RBM47: variants seen among roughly 807,000 people sequenced by gnomAD.
The protein encoded by RBM47 is RNA-binding protein 47.
RBM47 carries 21 observed loss-of-function variants against 47.1 expected under a neutral mutation model. The ratio of observed to expected loss-of-function variants is 0.45; its 90% CI spans 0.32 to 0.64. The LOEUF (loss-of-function observed/expected upper bound fraction) is 0.64, where lower values mean the gene tolerates loss of function less well. Ranked by LOEUF, RBM47 falls within the 30% of genes least tolerant of loss-of-function variation. The pLI is 0.05. For missense variants in RBM47, 708 were observed against 870.9 expected, an observed-to-expected ratio of 0.81 and a Z score of 2.35; for synonymous variants, 375 against 361.7, an observed-to-expected ratio of 1.04 and a Z score of -0.42.
chr4:40,481,777 C>T (rs187015540), intron 2 of RBM47, among the ~76,000 whole-genome samples: 87 of 152,326 alleles, frequency 5.7e-4, no homozygotes, highest in African/African-American at 1.9e-3. Context: ...GTCTTAAACT[C>T]CTGACCTCAA....
intron 3 of RBM47, among the ~76,000 whole-genome samples, chr4:40,459,701 G>A (rs1050130319): frequency 1.3e-5 from 2 of 152,208 alleles, no homozygotes; most frequent in Non-Finnish European, 2.9e-5. Context: ...ATCAGAGAAT[G>A]AATAGGCCAG....
intron 2 of RBM47, among the ~76,000 whole-genome samples, chr4:40,483,914 A>T (rs907582715): frequency 4.6e-5 from 7 of 152,212 alleles, no homozygotes; most frequent in Non-Finnish European, 1.0e-4. Flanking sequence ...GTTATTATAA[A>T]TCTATCCTTA....
chr4:40,436,491 G>C lies in RBM47; in HGVS notation c.1280C>G (p.Pro427Arg), dbSNP rs763065592. Residue 427 changes from proline (P) to arginine (R), a missense_variant, in exon 5 of 7, where the codon CCG becomes CGG. Pro to Arg is a moderately radical substitution (Grantham distance 103). Coordinates refer to ENST00000295971, the MANE Select transcript of RBM47 (RefSeq NM_001098634.2). ...KQQEKGYELV[P>R]NLEIPTVNPV... ...GTTGACGGTAGGGATTTCCAAATTCGGCACCAGTTCATATCCTTTTTCTTG... is the reference window on the plus strand; with the variant it reads ...GTTGACGGTAGGGATTTCCAAATTCCGCACCAGTTCATATCCTTTTTCTTG... The C allele has an allele frequency of 1.9e-6, 3 of 1,614,104 alleles. No homozygotes were observed. Among genetic ancestry groups the C allele is most frequent in the Non-Finnish European group, 2.5e-6 (3 of 1,180,022 alleles).
At chr4:40,447,744 CT>C (rs749577986) in intron 3 of RBM47, among the ~76,000 whole-genome samples, 2 of 152,208 alleles carry the variant, frequency 1.3e-5, no homozygotes, top group Non-Finnish European at 2.9e-5. Flanking sequence ...GGCGCAGTGG[CT>C]CACGCCTATA....
intron 1 of RBM47, among the ~76,000 whole-genome samples, chr4:40,611,413 C>T (rs1185600077): frequency 1.4e-4 from 21 of 152,096 alleles, no homozygotes; most frequent in Admixed American, 1.2e-3. Flanking sequence ...GTTGTTGCTA[C>T]TCAAAAGAAA....
chr4:40,461,586 T>C (rs192223202), intron 3 of RBM47, among the ~76,000 whole-genome samples: 86 of 152,220 alleles, frequency 5.6e-4, no homozygotes, highest in African/African-American at 1.9e-3. Flanking sequence ...AAAACAGGGA[T>C]GGGCTGGATT....
At chr4:40,625,636 T>A (rs189362688) in intron 1 of RBM47, among the ~76,000 whole-genome samples, 1 of 152,134 alleles carries the variant, frequency 6.6e-6, no homozygotes, top group Non-Finnish European at 1.5e-5. Context: ...TGACAATTCA[T>A]TGAAGCAAGG....
At chr4:40,616,962 G>A (rs1171721861) in intron 1 of RBM47, among the ~76,000 whole-genome samples, 3 of 137,794 alleles carry the variant, frequency 2.2e-5, no homozygotes, top group Non-Finnish European at 3.0e-5. Context: ...TGCAACCTCC[G>A]CCTCCCAGAT....
At chr4:40,599,042 G>T (rs1200718537) in intron 1 of RBM47, among the ~76,000 whole-genome samples, 1 of 151,862 alleles carries the variant, frequency 6.6e-6, no homozygotes, top group Non-Finnish European at 1.5e-5. Context: ...ATCACTTGAG[G>T]TCAGGAGTTC....
chr4:40,442,837 C>T (rs527286840), intron 3 of RBM47, among the ~76,000 whole-genome samples: 2 of 152,202 alleles, frequency 1.3e-5, no homozygotes, highest in Admixed American at 6.5e-5. Context: ...CCACGCCCAG[C>T]TAATTTTTGT....
rs1435312861 is a variant in RBM47 at position 40,423,639 on chromosome 4, ATTCT to A, written c.*2261_*2264del. The A allele has an allele frequency of 1.8e-4, 27 of 146,802 alleles. No homozygotes were observed. Among genetic ancestry groups the A allele is most frequent in the African/African-American group, 5.8e-4 (23 of 39,406 alleles). The allele number at this position is 146,802 out of a possible 1,614,324, so 9.1% of individuals were successfully genotyped here. On this transcript the variant is annotated 3_prime_UTR_variant, in exon 7 of 7. Transcript: ENST00000295971. ...GGTTGCCATGTTATCATTTTTTTTTATTCTTTCTTTCTTTTTCTTTCTTTCTTTC... is the reference window on the plus strand; with the variant it reads ...GGTTGCCATGTTATCATTTTTTTTTATTCTTTCTTTTTCTTTCTTTCTTTC...
At chr4:40,580,157 G>A (rs1224940535) in intron 1 of RBM47, among the ~76,000 whole-genome samples, 1 of 151,842 alleles carries the variant, frequency 6.6e-6, no homozygotes, top group Non-Finnish European at 1.5e-5. Flanking sequence ...GTTGAACTTG[G>A]TTTAGTTAGC....
chr4:40,447,007 A>G (rs1361812572), intron 3 of RBM47, among the ~76,000 whole-genome samples: 1 of 152,110 alleles, frequency 6.6e-6, no homozygotes, highest in Non-Finnish European at 1.5e-5. Flanking sequence ...TTATGCATCC[A>G]TGTGTAAGCC....
At chr4:40,573,463 C>T (rs1042572221) in intron 1 of RBM47, among the ~76,000 whole-genome samples, 2 of 151,858 alleles carry the variant, frequency 1.3e-5, no homozygotes, top group African/African-American at 4.8e-5. Flanking sequence ...GGTAACTAGG[C>T]TGGGCATAGT....
chr4:40,523,388 C>T (rs1032360637), intron 2 of RBM47, among the ~76,000 whole-genome samples: 1 of 152,002 alleles, frequency 6.6e-6, no homozygotes, highest in East Asian at 1.9e-4. Context: ...TGGTGGCTCA[C>T]GCCTATAATC....
intron 2 of RBM47, among the ~76,000 whole-genome samples, chr4:40,522,170 CCTT>C (rs1726256871): frequency 6.6e-6 from 1 of 152,112 alleles, no homozygotes; most frequent in African/African-American, 2.4e-5. Flanking sequence ...ATGAAAATTT[CCTT>C]TTTATGGTTT....
At chr4:40,438,981 T>A (rs1560364014) in intron 3 of RBM47, 57 bp from the exon 4 acceptor site, 1 of 1,400,690 alleles carries the variant, frequency 7.1e-7, no homozygotes, top group African/African-American at 1.4e-5. Flanking sequence ...CTCTTTTGGG[T>A]TGTGTTTCGC....
chr4:40,591,932 C>A (rs1251014312), intron 1 of RBM47, among the ~76,000 whole-genome samples: 3 of 152,058 alleles, frequency 2.0e-5, no homozygotes, highest in African/African-American at 7.2e-5. Context: ...GAAAATGGAA[C>A]CTCTCAAAGT....
chr4:40,494,587 A>C (rs548605774), intron 2 of RBM47, among the ~76,000 whole-genome samples: 1 of 152,260 alleles, frequency 6.6e-6, no homozygotes, highest in East Asian at 1.9e-4. Context: ...GGAGATTCCT[A>C]AATCAGAGAT....
Sources: gnomAD v4.1 joint callset for allele counts (sites outside exome capture counted in the v4.1 genomes callset) on GRCh38, gnomAD v4.1.1 for gene constraint, MANE v1.5 for transcripts, NCBI Gene and HGNC (gene_info 2026-07-23, HGNC 2026-07-21) for gene names.